Variants in ACSBG1 observed in about 807,000 individuals in gnomAD.
ACSBG1 encodes acyl-CoA synthetase bubblegum family member 1, also known as long-chain-fatty-acid--CoA ligase ACSBG1.
Under a neutral mutation model 80.2 loss-of-function variants are expected in ACSBG1, and 39 were observed. The observed-to-expected ratio is 0.49, with a 90% confidence interval of 0.38 to 0.64. The LOEUF (loss-of-function observed/expected upper bound fraction) is 0.64. ACSBG1 is among the 30% of genes least tolerant of loss of function. The probability of loss-of-function intolerance (pLI) is 0.00; values close to 1 mark genes in which losing one functional copy is unlikely to be tolerated. For missense variants in ACSBG1, 828 were observed against 966.4 expected, an observed-to-expected ratio of 0.86 and a Z score of 1.90; for synonymous variants, 392 against 379.5, an observed-to-expected ratio of 1.03 and a Z score of -0.38.
chr15:78,192,260 A>G (rs62009353), intron 5 of ACSBG1, among the ~76,000 whole-genome samples: 8,870 of 151,936 alleles, frequency 0.058, 278 homozygotes, highest in South Asian at 0.17. Context: ...CCCTCATACC[A>G]GCCCTTCCAG....
At chr15:78,181,501 T>C (rs1169573237) in intron 8 of ACSBG1, among the ~76,000 whole-genome samples, 1 of 144,388 alleles carries the variant, frequency 6.9e-6, no homozygotes, top group Non-Finnish European at 1.5e-5. Context: ...TTTTTTTTTT[T>C]TTTTTTTTTT....
At chr15:78,220,945 C>T (rs972535129) in intron 1 of ACSBG1, among the ~76,000 whole-genome samples, 1 of 152,238 alleles carries the variant, frequency 6.6e-6, no homozygotes, top group Admixed American at 6.5e-5. Context: ...AGCAATTCCA[C>T]TCCTTTGTAT....
At position 78,168,748 on chromosome 15, in the gene ACSBG1, C is replaced by T; in HGVS notation, c.*2696G>A. 1 of 567,716 alleles carries T rather than the reference C, an allele frequency of 1.8e-6. No homozygotes were observed. The highest frequency in any genetic ancestry group is 2.7e-5 in the East Asian group (1 of 36,980). The allele number at this position is 567,716 out of a possible 1,614,324, so 35.2% of individuals were successfully genotyped here. ...ATACACTATGAGATTGGATCCCGATCCTCCTGGGCTGGGTAGATGGTGGTG... is the reference window on the plus strand; with the variant it reads ...ATACACTATGAGATTGGATCCCGATTCTCCTGGGCTGGGTAGATGGTGGTG... On this transcript the variant is annotated 3_prime_UTR_variant, in exon 14 of 14. Transcript: ENST00000258873.
intron 1 of ACSBG1, among the ~76,000 whole-genome samples, chr15:78,228,530 G>A (rs2075422190): frequency 6.6e-6 from 1 of 152,198 alleles, no homozygotes; most frequent in Admixed American, 6.5e-5. Flanking sequence ...TTTGAGCTCT[G>A]CTGCCCCTGG....
At chr15:78,190,447 T>C (rs2075046933) in intron 5 of ACSBG1, among the ~76,000 whole-genome samples, 1 of 147,600 alleles carries the variant, frequency 6.8e-6, no homozygotes, top group African/African-American at 2.5e-5. Context: ...CTCACATGCC[T>C]GTAGTCCCAG....
At chr15:78,214,732 C>T (rs529810295) in intron 1 of ACSBG1, among the ~76,000 whole-genome samples, 4 of 152,150 alleles carry the variant, frequency 2.6e-5, no homozygotes, top group African/African-American at 7.2e-5. Flanking sequence ...TGAGTCACTG[C>T]GCCCAGCCTC....
chr15:78,233,837 C>T (rs775524407), intron 1 of ACSBG1, among the ~76,000 whole-genome samples: 2 of 152,188 alleles, frequency 1.3e-5, no homozygotes. Context: ...ATGCCTGATA[C>T]GTTGAATCCA....
At chr15:78,212,279 T>C (rs1010250703) in intron 1 of ACSBG1, among the ~76,000 whole-genome samples, 2 of 152,178 alleles carry the variant, frequency 1.3e-5, no homozygotes, top group Non-Finnish European at 2.9e-5. Context: ...CTCGGTTTTC[T>C]GCCCGTATCC....
chr15:78,226,784 A>ATATATATATATATATATAT (rs1567101464), intron 1 of ACSBG1, among the ~76,000 whole-genome samples: 1 of 119,676 alleles, frequency 8.4e-6, no homozygotes, highest in Non-Finnish European at 1.8e-5. Flanking sequence ...ACACATAGAA[A>ATATATATATATATATATAT]AATATATATA....
intron 1 of ACSBG1, chr15:78,209,120 G>T (rs1041307578): frequency 4.4e-6 from 2 of 455,628 alleles, no homozygotes; most frequent in African/African-American, 4.0e-5. Context: ...TCCCTGCCCA[G>T]TTCCCAGGAA....
intron 1 of ACSBG1, among the ~76,000 whole-genome samples, chr15:78,208,869 C>CA (rs1445883054): frequency 1.3e-5 from 2 of 152,236 alleles, no homozygotes; most frequent in Non-Finnish European, 2.9e-5. Flanking sequence ...CATTTTTCCT[C>CA]AGAGTTCACC....
intron 1 of ACSBG1, among the ~76,000 whole-genome samples, chr15:78,233,702 G>A (rs2075468703): frequency 6.6e-6 from 1 of 152,202 alleles, no homozygotes; most frequent in Admixed American, 6.5e-5. Flanking sequence ...GTGTGCGTGT[G>A]CGCGTGCGCC....
At chr15:78,202,885 A>C (rs1172649964) in intron 2 of ACSBG1, among the ~76,000 whole-genome samples, 1 of 152,216 alleles carries the variant, frequency 6.6e-6, no homozygotes, top group Admixed American at 6.5e-5. Context: ...GTCTATTAGC[A>C]AAGCCATTGG....
Position 78,194,554 on chromosome 15 carries a change from G to T in ACSBG1, c.405C>A (p.Tyr135Ter), listed in dbSNP as rs1294738315. The T allele has an allele frequency of 6.2e-7, 1 of 1,614,250 alleles. No homozygotes were observed. Among genetic ancestry groups the T allele is most frequent in the Non-Finnish European group, 8.5e-7 (1 of 1,180,034 alleles). ...KRQDKWEHIS[Y>*]SQYYLLARRA... ...TGCGGGCGAGCAGGTAGTATTGGGA[G>T]TAGGAGATGTGTTCCCACTTGTCCT... Residue 135 changes from tyrosine to a stop codon, truncating the protein, a stop_gained, in exon 3 of 14, where the codon TAC (tyrosine) becomes TAA (stop). Transcript: ENST00000258873. LOFTEE classifies it high-confidence loss of function.
chr15:78,187,785 C>T (rs1223729683), intron 5 of ACSBG1, among the ~76,000 whole-genome samples: 2 of 152,218 alleles, frequency 1.3e-5, no homozygotes, highest in African/African-American at 4.8e-5. Flanking sequence ...TGCCCTCTCT[C>T]ACCACTCCTA....
rs560969078 is a variant in ACSBG1, at chr15:78,194,719, C to T, written c.240G>A (p.Ala80=). Residue 80 remains alanine (A), a synonymous_variant, in exon 3 of 14, where the codon GCG becomes GCA. Transcript: ENST00000258873. The stretch of plus-strand genomic sequence containing the variant: ...GCCCATCGGCCCGAGTCGTCCACAG[C>T]GCCTCCTCTGTGGGGTGGGGGAGAC... ...NNAQWDAPEE[A]LWTTRADGRV... The T allele has an allele frequency of 1.2e-5, 20 of 1,612,168 alleles. No homozygotes were observed. Among genetic ancestry groups the T allele is most frequent in the African/African-American group, 4.0e-5 (3 of 75,050 alleles).
intron 12 of ACSBG1, among the ~76,000 whole-genome samples, chr15:78,174,115 C>T (rs893303887): frequency 1.3e-5 from 2 of 152,190 alleles, no homozygotes; most frequent in Admixed American, 1.3e-4. Flanking sequence ...GGTCCAAGTA[C>T]CTGCAGAGAG....
chr15:78,234,418 G>T lies in ACSBG1; in HGVS notation c.84C>A (p.Ser28Arg). 2.5e-6 allele frequency: 4 copies of T among 1,612,954 alleles called. No homozygotes were observed. Among genetic ancestry groups the T allele is most frequent in the Non-Finnish European group, 3.4e-6 (4 of 1,180,032 alleles). Residue 28 changes from serine (S) to arginine (R), a missense_variant, in exon 1 of 14, where the codon AGC becomes AGA. Physicochemically the swap from Ser to Arg is moderately radical, Grantham distance 110 (BLOSUM62 -1). Coordinates refer to ENST00000258873, the MANE Select transcript of ACSBG1 (RefSeq NM_015162.5). ...MLDSRETPQESRQDMIVRTTQ... is the reference protein window; with the variant it reads ...MLDSRETPQERRQDMIVRTTQ... ...TGGTCCTCACAATCATGTCCTGCCG[G>T]CTCTCCTGTGGGGTCTCTCTGCTGT...
At chr15:78,196,926 T>TG (rs2075119718) in intron 2 of ACSBG1, among the ~76,000 whole-genome samples, 1 of 149,492 alleles carries the variant, frequency 6.7e-6, no homozygotes, top group Non-Finnish European at 1.5e-5. Flanking sequence ...TAGCAGGGCA[T>TG]GGTGTTGTGT....
Sources: gnomAD v4.1 joint callset for allele counts (sites outside exome capture counted in the v4.1 genomes callset) on GRCh38, gnomAD v4.1.1 for gene constraint, MANE v1.5 for transcripts, NCBI Gene and HGNC (gene_info 2026-07-23, HGNC 2026-07-21) for gene names.